ZC3H12B: variants seen among roughly 807,000 people sequenced by gnomAD.
The protein encoded by ZC3H12B is probable ribonuclease ZC3H12B.
A neutral mutation model predicts 43.9 loss-of-function variants in ZC3H12B; 7 were observed. The ratio of observed to expected loss-of-function variants is 0.16; its 90% CI spans 0.09 to 0.30. ZC3H12B has a LOEUF of 0.30. ZC3H12B is among the 10% of genes least tolerant of loss of function. ZC3H12B has a pLI of 1.00. For synonymous variants in ZC3H12B, 222 were observed against 241.7 expected (o/e 0.92, Z 0.76); for missense variants, 475 against 670.2 (o/e 0.71, Z 3.22).
the ZC3H12B span, among the ~76,000 whole-genome samples, chrX:65,166,891 T>C: frequency 2.8e-5 from 3 of 108,694 alleles, no homozygotes; most frequent in Non-Finnish European, 5.6e-5. Context: ...ATGCAGTTAT[T>C]TGATTTTTTC....
chrX:65,058,472 G>T, the ZC3H12B span, among the ~76,000 whole-genome samples: 27 of 112,261 alleles, frequency 2.4e-4, no homozygotes, highest in East Asian at 3.1e-3. Flanking sequence ...CATGTGAGGT[G>T]TCAGTCTGCC....
At chrX:65,306,247 C>G in the ZC3H12B span, among the ~76,000 whole-genome samples, 2 of 112,391 alleles carry the variant, frequency 1.8e-5, no homozygotes, top group Non-Finnish European at 3.8e-5. Flanking sequence ...TATGGAACAA[C>G]TAGAGCTCTC....
chrX:65,391,354 C>T (rs1045455756), intron 2 of ZC3H12B, among the ~76,000 whole-genome samples: 1 of 112,492 alleles, frequency 8.9e-6, no homozygotes, highest in Admixed American at 9.4e-5. Context: ...ATTCTAGAAA[C>T]ATCTCAGTTT....
chrX:65,305,664 G>C, the ZC3H12B span, among the ~76,000 whole-genome samples: 5 of 111,724 alleles, frequency 4.5e-5, no homozygotes, highest in African/African-American at 1.6e-4. Context: ...AATTTGTTAT[G>C]TTATTATTTG....
intron 3 of ZC3H12B, among the ~76,000 whole-genome samples, chrX:65,460,698 T>A (rs369335701): frequency 3.6e-5 from 4 of 111,667 alleles, no homozygotes; most frequent in Non-Finnish European, 5.7e-5. Context: ...CACCTTATAC[T>A]AAAATTAATT....
chrX:65,097,684 A>AT, the ZC3H12B span, among the ~76,000 whole-genome samples: 1 of 112,215 alleles, frequency 8.9e-6, no homozygotes, highest in Non-Finnish European at 1.9e-5. Context: ...TTTGATAACC[A>AT]TTTTTGTAGA....
intron 2 of ZC3H12B, among the ~76,000 whole-genome samples, chrX:65,497,825 A>G (rs1386507296): frequency 1.8e-5 from 2 of 112,409 alleles, no homozygotes; most frequent in East Asian, 5.6e-4. Flanking sequence ...ATATAACAGC[A>G]ATGCATGTAC....
the ZC3H12B span, among the ~76,000 whole-genome samples, chrX:65,166,700 G>T: frequency 9.0e-6 from 1 of 111,526 alleles, no homozygotes; most frequent in Admixed American, 9.5e-5. Flanking sequence ...ATCCTCTCCT[G>T]CACCTGGTGT....
the ZC3H12B span, among the ~76,000 whole-genome samples, chrX:65,231,209 G>C: frequency 1.8e-5 from 2 of 110,915 alleles, no homozygotes; most frequent in South Asian, 3.9e-4. Context: ...AGGGGAGGGG[G>C]TGTACGAATA....
Position 65,442,148 on chromosome X carries a change from C to A in ZC3H12B, n.407+43444C>A, listed in dbSNP as rs140973962. Among the ~76,000 whole-genome samples, 20 of 108,461 alleles carry A rather than the reference C, an allele frequency of 1.8e-4. No individual in the cohort carries two copies. In the East Asian group the frequency reaches 5.5e-3, roughly 30 times the overall value. 94.2% of individuals were successfully genotyped at this position (108,461 alleles called of 115,157 possible). On this transcript the variant is annotated intron_variant and non_coding_transcript_variant, in intron 3 of 5. Transcript: ENST00000617377. ...TATCCACTTTTAGTCCTGCCATTGC[C>A]TGTGCCAACAAGGTAGCATTATACA...
chrX:65,049,386 T>A, the ZC3H12B span, among the ~76,000 whole-genome samples: 2 of 111,657 alleles, frequency 1.8e-5, no homozygotes, highest in African/African-American at 6.5e-5. Context: ...TTCTTTTGCA[T>A]GTAGATATCC....
chrX:65,414,300 A>T (rs2066936212), intron 3 of ZC3H12B, among the ~76,000 whole-genome samples: 1 of 109,961 alleles, frequency 9.1e-6, no homozygotes, highest in Non-Finnish European at 1.9e-5. Context: ...AGAAGTATTG[A>T]TATTAATTCT....
the ZC3H12B span, among the ~76,000 whole-genome samples, chrX:65,291,282 A>C: frequency 8.9e-6 from 1 of 111,781 alleles, no homozygotes; most frequent in Non-Finnish European, 1.9e-5. Flanking sequence ...TAATATTTAA[A>C]AATTTACTTC....
the ZC3H12B span, among the ~76,000 whole-genome samples, chrX:65,263,528 A>G: frequency 1.8e-5 from 2 of 111,426 alleles, no homozygotes; most frequent in African/African-American, 6.5e-5. Context: ...GGAAACTGGA[A>G]CATTTACTCT....
At chrX:65,265,322 A>G in the ZC3H12B span, among the ~76,000 whole-genome samples, 1 of 111,952 alleles carries the variant, frequency 8.9e-6, no homozygotes, top group Non-Finnish European at 1.9e-5. Context: ...GTCTAAGAAA[A>G]TAGGGATTAT....
At chrX:65,387,495 A>T (rs753038155) in intron 2 of ZC3H12B, among the ~76,000 whole-genome samples, 1 of 111,798 alleles carries the variant, frequency 8.9e-6, no homozygotes, top group South Asian at 3.7e-4. Flanking sequence ...TTTGCTTGGT[A>T]GATCTTCCTC....
the ZC3H12B span, among the ~76,000 whole-genome samples, chrX:65,177,225 G>A: frequency 8.9e-6 from 1 of 111,877 alleles, no homozygotes; most frequent in African/African-American, 3.2e-5. Flanking sequence ...ATAATATTGA[G>A]CACCTCTTTA....
chrX:65,153,793 T>C, the ZC3H12B span, among the ~76,000 whole-genome samples: 15 of 111,135 alleles, frequency 1.3e-4, no homozygotes, highest in East Asian at 5.6e-4. Flanking sequence ...ATGTTTATTG[T>C]GGCACTATTC....
chrX:65,119,056 A>G, the ZC3H12B span, among the ~76,000 whole-genome samples: 1 of 110,911 alleles, frequency 9.0e-6, no homozygotes, highest in East Asian at 2.9e-4. Context: ...TCATTGTTGG[A>G]CATTTGGGTT....
Sources: gnomAD v4.1 joint callset for allele counts (sites outside exome capture counted in the v4.1 genomes callset) on GRCh38, gnomAD v4.1.1 for gene constraint, MANE v1.5 for transcripts, NCBI Gene and HGNC (gene_info 2026-07-23, HGNC 2026-07-21) for gene names.